DPYSL5: variants seen among roughly 807,000 people sequenced by gnomAD.
DPYSL5 encodes the protein dihydropyrimidinase-related protein 5.
In DPYSL5, 9 loss-of-function variants were observed where a neutral mutation model predicts 58.4. The observed-to-expected ratio is 0.15, with a 90% confidence interval of 0.09 to 0.27. The LOEUF (loss-of-function observed/expected upper bound fraction) is 0.27, where lower values mean the gene tolerates loss of function less well. DPYSL5 is among the 10% of genes least tolerant of loss of function. The probability of loss-of-function intolerance (pLI) is 1.00; values close to 1 mark genes in which losing one functional copy is unlikely to be tolerated. For synonymous variants in DPYSL5, 293 were observed against 301.9 expected (o/e 0.97, Z 0.31); for missense variants, 499 against 770.6 (o/e 0.65, Z 4.17).
intron 2 of DPYSL5, among the ~76,000 whole-genome samples, chr2:26,916,724 CACTGGGCTGCTT>C (rs1432929985): frequency 6.6e-6 from 1 of 152,178 alleles, no homozygotes; most frequent in East Asian, 1.9e-4. Context: ...CCTTTCCTTC[CACTGGGCTGCTT>C]TTGCACTTGC....
At position 26,912,326 on chromosome 2, in the gene DPYSL5, C is replaced by T. The variant is rs185547524; in HGVS notation, c.262-12561C>T. 2.6e-5 allele frequency among the ~76,000 whole-genome samples: 4 copies of T among 152,324 alleles called. No homozygotes were observed. In the East Asian group the frequency reaches 5.8e-4, roughly 22 times the overall value. Reference sequence around the variant, plus strand: ...AAACCACATTTCCAGGGCGGCCTCTCGTCAGCTTTATGGCACTGTCACACC... The same window carrying T: ...AAACCACATTTCCAGGGCGGCCTCTTGTCAGCTTTATGGCACTGTCACACC... On this transcript the variant is annotated intron_variant, in intron 2 of 12. Coordinates refer to ENST00000288699, the MANE Select transcript of DPYSL5 (RefSeq NM_020134.4).
At position 26,941,938 on chromosome 2, in the gene DPYSL5, G is replaced by A. The variant is rs3820823; in HGVS notation, c.1090-12G>A. 972,871 of 1,613,714 alleles carry A rather than the reference G, an allele frequency of 0.6. 296,145 individuals are homozygous for A. The highest frequency in any genetic ancestry group is 0.68 in the East Asian group (30,365 of 44,880). On this transcript the variant is annotated splice_polypyrimidine_tract_variant and intron_variant, in intron 9 of 12. Coordinates refer to ENST00000288699, the MANE Select transcript of DPYSL5 (RefSeq NM_020134.4). ...GAGCCTGGTTGACTTGACACTTTCT[G>A]CAACATTTCAGGTTGGAGGAAAGAT...
chr2:26,928,704 T>TATACACACACACACACAC, intron 5 of DPYSL5, among the ~76,000 whole-genome samples: 1 of 62,992 alleles, frequency 1.6e-5, no homozygotes, highest in African/African-American at 6.3e-5. Context: ...TATATATATA[T>TATACACACACACACACAC]ACACACACAC....
chr2:26,884,729 G>A (rs1418285780), intron 1 of DPYSL5, among the ~76,000 whole-genome samples: 1 of 152,154 alleles, frequency 6.6e-6, no homozygotes, highest in Non-Finnish European at 1.5e-5. Flanking sequence ...CCAGCCACGT[G>A]GGGCCGGGCC....
intron 5 of DPYSL5, among the ~76,000 whole-genome samples, chr2:26,931,203 G>GTGTGTGTATGTATATATATATA (rs1474347605): frequency 2.2e-5 from 1 of 44,934 alleles, no homozygotes; most frequent in African/African-American, 8.1e-5. Context: ...GTGTGTGTGT[G>GTGTGTGTATGTATATATATATA]TATATATATA....
intron 1 of DPYSL5, among the ~76,000 whole-genome samples, chr2:26,862,312 T>A (rs193152042): frequency 6.6e-6 from 1 of 152,380 alleles, no homozygotes; most frequent in East Asian, 1.9e-4. Flanking sequence ...AATGAATATG[T>A]TGAGCTGAAT....
chr2:26,914,097 C>G (rs1438864062), intron 2 of DPYSL5, among the ~76,000 whole-genome samples: 1 of 152,166 alleles, frequency 6.6e-6, no homozygotes, highest in Non-Finnish European at 1.5e-5. Flanking sequence ...ATTTCAGCAG[C>G]AGCATCAGAC....
intron 8 of DPYSL5, among the ~76,000 whole-genome samples, chr2:26,937,713 C>T (rs1395369963): frequency 1.3e-5 from 2 of 151,636 alleles, no homozygotes; most frequent in African/African-American, 4.9e-5. Context: ...GCTGGGGCTA[C>T]ACGTGTGCAC....
chr2:26,853,226 G>A (rs1232493522), intron 1 of DPYSL5, among the ~76,000 whole-genome samples: 2 of 152,194 alleles, frequency 1.3e-5, no homozygotes, highest in Admixed American at 6.5e-5. Flanking sequence ...TTAGGCTGGC[G>A]TGGCTGGTGA....
chr2:26,888,460 G>A (rs571476244), intron 1 of DPYSL5, among the ~76,000 whole-genome samples: 2 of 152,078 alleles, frequency 1.3e-5, no homozygotes, highest in East Asian at 1.9e-4. Context: ...TGGTAGGGAC[G>A]GGGGTTTCAC....
intron 1 of DPYSL5, among the ~76,000 whole-genome samples, chr2:26,871,964 G>T (rs924001634): frequency 3.3e-5 from 5 of 152,200 alleles, no homozygotes; most frequent in Admixed American, 3.3e-4. Flanking sequence ...TCTTTCCTTT[G>T]CTAAAAAGAC....
At position 26,895,807 on chromosome 2, in the gene DPYSL5, G is replaced by A. The variant is rs192442362; in HGVS notation, c.-4-2689G>A. Among the ~76,000 whole-genome samples the A allele has an allele frequency of 3.8e-4, 48 of 127,598 alleles. 1 individual carries two copies. The South Asian group carries it at 5.0e-3, about 13-fold the overall frequency. 83.7% of individuals were successfully genotyped at this position (127,598 alleles called of 152,430 possible). On this transcript the variant is annotated intron_variant, in intron 1 of 12. Transcript: ENST00000288699. ...TTTTTTTTTTTTTTTTTGAGATGGCGTCTCGCTGTGTCGCCCAGGCTGAAG... is the reference window on the plus strand; with the variant it reads ...TTTTTTTTTTTTTTTTTGAGATGGCATCTCGCTGTGTCGCCCAGGCTGAAG...
chr2:26,944,760 T>C lies in DPYSL5; in HGVS notation c.1545T>C (p.Pro515=), dbSNP rs1423689987. 3.1e-6 allele frequency: 5 copies of C among 1,613,992 alleles called. No homozygotes were observed. The Admixed American group carries it at 6.7e-5, about 22-fold the overall frequency. Residue 515 remains proline, a synonymous_variant, in exon 12 of 13, where the codon CCT becomes CCC. Transcript: ENST00000288699. The surrounding 1 kb of genome is among the most constrained non-coding windows in gnomAD (Gnocchi z 4.4). ...TGGGAACCCCACTCGCAGACACTCC[T>C]ACCCGGCCCGTCACCCGGCATGGGG... The part of the protein sequence containing the change: ...KEMGTPLADT[P]TRPVTRHGGM...
rs200435110 is a variant in DPYSL5 at position 26,940,940 on chromosome 2, TA to T, written c.1089+769del. ...GATTATTATTATTATTATTATTATT[TA>T]TTTTTTTTTGTGTGTGATAGAATCT... is the stretch of plus-strand genomic sequence containing the variant. On this transcript the variant is annotated intron_variant, in intron 9 of 12. Coordinates refer to ENST00000288699, the MANE Select transcript of DPYSL5 (RefSeq NM_020134.4). Among the ~76,000 whole-genome samples the T allele has an allele frequency of 4.2e-3, 476 of 112,980 alleles. 3 individuals are homozygous for T. Among genetic ancestry groups the T allele is most frequent in the South Asian group, 0.016 (61 of 3,706 alleles). 74.1% of individuals were successfully genotyped at this position (112,980 alleles called of 152,430 possible).
chr2:26,923,762 G>A (rs994434095), intron 2 of DPYSL5, among the ~76,000 whole-genome samples: 2 of 152,266 alleles, frequency 1.3e-5, no homozygotes, highest in African/African-American at 4.8e-5. Context: ...CCAGGTTCAA[G>A]CAATTCTCCT....
chr2:26,933,114 C>T lies in DPYSL5; in HGVS notation c.715-144C>T, dbSNP rs2148167592. The T allele has an allele frequency of 5.5e-6, 4 of 720,776 alleles. No individual in the cohort carries two copies. The highest frequency in any genetic ancestry group is 5.2e-5 in the East Asian group (2 of 38,428). The allele number at this position is 720,776 out of a possible 1,614,324, so 44.6% of individuals were successfully genotyped here. On this transcript the variant is annotated intron_variant, in intron 6 of 12. Transcript: ENST00000288699. The surrounding 1 kb of genome is among the most constrained non-coding windows in gnomAD (Gnocchi z 4.2). ...CCCTGACTGCCAGCCCTGCATTCTC[C>T]GCTTAAGGACTGTCACCTTGAGGGT...
At chr2:26,881,563 C>T (rs1224296433) in intron 1 of DPYSL5, among the ~76,000 whole-genome samples, 2 of 152,158 alleles carry the variant, frequency 1.3e-5, no homozygotes, top group African/African-American at 4.8e-5. Flanking sequence ...ATGGAGGTGT[C>T]AGGTCCGTAA....
At chr2:26,851,336 G>GTTTTTACAGGGATCTTGGAGAGAA (rs1553312838) in intron 1 of DPYSL5, among the ~76,000 whole-genome samples, 9 of 151,952 alleles carry the variant, frequency 5.9e-5, no homozygotes, top group East Asian at 1.9e-4. Flanking sequence ...TGACCAGCCT[G>GTTTTTACAGGGATCTTGGAGAGAA]ACGTGAAGGC....
intron 1 of DPYSL5, among the ~76,000 whole-genome samples, chr2:26,861,561 C>T (rs568280340): frequency 2.8e-4 from 42 of 152,250 alleles, no homozygotes; most frequent in Non-Finnish European, 5.4e-4. Flanking sequence ...TGAGTGGTAT[C>T]GGTGCAGAGA....
Sources: gnomAD v4.1 joint callset for allele counts (sites outside exome capture counted in the v4.1 genomes callset) on GRCh38, gnomAD v4.1.1 for gene constraint, Gnocchi (gnomAD v3.1) non-coding constraint, MANE v1.5 for transcripts, NCBI Gene and HGNC (gene_info 2026-07-23, HGNC 2026-07-21) for gene names.